Variants in ATXN10 observed in about 807,000 individuals in gnomAD.
The protein encoded by ATXN10 is ataxin 10, also known as ataxin-10.
ATXN10 carries 28 observed loss-of-function variants against 52.9 expected under a neutral mutation model. The ratio of observed to expected loss-of-function variants is 0.53; its 90% CI spans 0.39 to 0.73. The LOEUF (loss-of-function observed/expected upper bound fraction) is 0.73. Ranked by LOEUF, ATXN10 falls within the 30% of genes least tolerant of loss-of-function variation. ATXN10 has a pLI of 0.00. For synonymous variants in ATXN10, 226 were observed against 221.5 expected (o/e 1.02, Z -0.18); for missense variants, 565 against 577.0 (o/e 0.98, Z 0.21).
intron 9 of ATXN10, among the ~76,000 whole-genome samples, chr22:45,794,362 A>G (rs1927633331): frequency 6.6e-6 from 1 of 151,918 alleles, no homozygotes; most frequent in African/African-American, 2.4e-5. Context: ...CTAGATTTTC[A>G]CATTTTTTTC....
At chr22:45,839,897 G>A (rs999963609) in intron 10 of ATXN10, among the ~76,000 whole-genome samples, 10 of 152,216 alleles carry the variant, frequency 6.6e-5, no homozygotes, top group Non-Finnish European at 1.5e-4. Context: ...CCTGTGGGTC[G>A]CTGCAGTGCC....
Position 45,688,064 on chromosome 22 carries a change from AAG to A in ATXN10, c.117-1645_117-1644del, listed in dbSNP as rs1469266027. ...CAGAGCAAAACTCCGTCTCAAAAAA[AAG>A]AGTGTTAGTGAGTATTCTTCCATTC... On this transcript the variant is annotated intron_variant, in intron 1 of 11. Coordinates refer to ENST00000252934, the MANE Select transcript of ATXN10 (RefSeq NM_013236.4). The surrounding 1 kb of genome is among the most constrained non-coding windows in gnomAD (Gnocchi z 4.0). Among the ~76,000 whole-genome samples, 1 of 152,236 alleles carries A rather than the reference AAG, an allele frequency of 6.6e-6. No individual in the cohort carries two copies. Among genetic ancestry groups the A allele is most frequent in the African/African-American group, 2.4e-5 (1 of 41,458 alleles).
chr22:45,694,953 A>C (rs1471356505), intron 3 of ATXN10, among the ~76,000 whole-genome samples: 10 of 150,330 alleles, frequency 6.7e-5, no homozygotes, highest in Non-Finnish European at 1.5e-4. Flanking sequence ...AAAAAAAAAA[A>C]AAAAAAAAAA....
At chr22:45,723,721 G>A (rs186541204) in intron 6 of ATXN10, among the ~76,000 whole-genome samples, 1 of 152,196 alleles carries the variant, frequency 6.6e-6, no homozygotes, top group African/African-American at 2.4e-5. Flanking sequence ...TTTGGGAGGT[G>A]GAGGAAGTCA....
chr22:45,729,457 T>C lies in ATXN10; in HGVS notation c.761T>C (p.Ile254Thr). The change falls in exon 7 of 12, where the codon ATA (isoleucine) becomes ACA (threonine). Residue 254 changes from isoleucine to threonine, a missense_variant. Ile to Thr is a moderately conservative substitution (Grantham distance 89). Transcript: ENST00000252934. The part of the protein sequence containing the change: ...VTLLDLMIAK[I>T]TSDEPLTKDD... ...CTGTTAGACCTTATGATAGCCAAGA[T>C]AACGAGTGATGAGCCACTCACCAAG... 6.2e-7 allele frequency: 1 copy of C among 1,614,166 alleles called. No homozygotes were observed. The highest frequency in any genetic ancestry group is 8.5e-7 in the Non-Finnish European group (1 of 1,180,022).
chr22:45,827,917 A>G (rs1039085165), intron 10 of ATXN10, among the ~76,000 whole-genome samples: 6 of 152,248 alleles, frequency 3.9e-5, no homozygotes, highest in African/African-American at 1.2e-4. Flanking sequence ...TATCATACAG[A>G]GTATCTTTTC....
intron 9 of ATXN10, among the ~76,000 whole-genome samples, chr22:45,764,090 GCA>G (rs1455168347): frequency 6.6e-6 from 1 of 152,134 alleles, no homozygotes; most frequent in Non-Finnish European, 1.5e-5. Flanking sequence ...TCCTCACGGT[GCA>G]CACTCATCTT....
chr22:45,760,766 G>A (rs1926359966), intron 9 of ATXN10, among the ~76,000 whole-genome samples: 1 of 152,082 alleles, frequency 6.6e-6, no homozygotes, highest in African/African-American at 2.4e-5. Context: ...AGGCCACACA[G>A]CTGTTAAGTG....
chr22:45,702,548 A>AATCTAC, intron 4 of ATXN10, 141 bp from the exon 5 acceptor site: 1 of 719,814 alleles, frequency 1.4e-6, no homozygotes, highest in South Asian at 1.9e-5. Flanking sequence ...TACAGTAAAT[A>AATCTAC]ATCTACTTAT....
chr22:45,789,873 T>G lies in ATXN10; in HGVS notation c.1174-17086T>G, dbSNP rs899168480. On this transcript the variant is annotated intron_variant, in intron 9 of 11. Coordinates refer to ENST00000252934, the MANE Select transcript of ATXN10 (RefSeq NM_013236.4). The surrounding 1 kb of genome is among the most constrained non-coding windows in gnomAD (Gnocchi z 4.0). ...TGGATATTTTACCCCCAGAAGACTC[T>G]TAAGTGGGTCAGAACAACACATGAA... Among the ~76,000 whole-genome samples, 1 of 152,160 alleles carries G rather than the reference T, an allele frequency of 6.6e-6. No homozygotes were observed. Among genetic ancestry groups the G allele is most frequent in the African/African-American group, 2.4e-5 (1 of 41,438 alleles).
intron 10 of ATXN10, among the ~76,000 whole-genome samples, chr22:45,827,756 G>A (rs891609446): frequency 6.6e-6 from 1 of 152,058 alleles, no homozygotes; most frequent in Non-Finnish European, 1.5e-5. Context: ...GGAAACAGAG[G>A]ACTTAATAAA....
intron 9 of ATXN10, among the ~76,000 whole-genome samples, chr22:45,797,673 G>T (rs962005456): frequency 3.3e-5 from 5 of 152,100 alleles, no homozygotes; most frequent in African/African-American, 1.2e-4. Flanking sequence ...GTAAGTAGAA[G>T]AAAAGAATTA....
Position 45,769,336 on chromosome 22 carries a change from C to T in ATXN10, c.1173+28798C>T, listed in dbSNP as rs192658945. 4.4e-4 allele frequency among the ~76,000 whole-genome samples: 67 copies of T among 152,134 alleles called. No individual in the cohort carries two copies. Among genetic ancestry groups the T allele is most frequent in the Admixed American group, 3.9e-3 (59 of 15,270 alleles). ...TTTGTTGTTATATTCATAGACACAA[C>T]AGACATTTCTACAGGATCTGCTTGG... On this transcript the variant is annotated intron_variant, in intron 9 of 11. Transcript: ENST00000252934. The surrounding 1 kb of genome is among the most constrained non-coding windows in gnomAD (Gnocchi z 4.2).
intron 9 of ATXN10, among the ~76,000 whole-genome samples, chr22:45,746,957 T>C (rs1293952315): frequency 1.3e-5 from 2 of 152,204 alleles, no homozygotes; most frequent in African/African-American, 2.4e-5. Context: ...AACTGTGACA[T>C]ATGAAACACT....
intron 10 of ATXN10, chr22:45,811,852 A>G (rs1928292271): frequency 2.2e-6 from 1 of 458,238 alleles, no homozygotes; most frequent in African/African-American, 2.0e-5. Context: ...AAACTGGATC[A>G]TTCCTCTCTG....
At position 45,708,616 on chromosome 22, in the gene ATXN10, C is replaced by T. The variant is rs1339175631; in HGVS notation, c.647+5769C>T. On this transcript the variant is annotated intron_variant, in intron 5 of 11. Coordinates refer to ENST00000252934, the MANE Select transcript of ATXN10 (RefSeq NM_013236.4). This position sits in a 1 kb window ranked among gnomAD's most constrained non-coding sequence, Gnocchi z 5.3. ...GCATTTCAAAGGTGAGGCATGAACT[C>T]TTTTCAGTTTTAGCCTCTTTTGGTG... Among the ~76,000 whole-genome samples, 1 of 152,122 alleles carries T rather than the reference C, an allele frequency of 6.6e-6. No individual in the cohort carries two copies. The highest frequency in any genetic ancestry group is 1.5e-5 in the Non-Finnish European group (1 of 68,016).
chr22:45,821,612 C>T (rs1158188740), intron 10 of ATXN10, among the ~76,000 whole-genome samples: 2 of 152,170 alleles, frequency 1.3e-5, no homozygotes, highest in African/African-American at 4.8e-5. Context: ...TCTCTCTCAT[C>T]CATCTTAGTA....
In ATXN10 at chr22:45,789,189, C is replaced by G. The variant is rs115879844; in HGVS notation, c.1174-17770C>G. On this transcript the variant is annotated intron_variant, in intron 9 of 11. Coordinates refer to ENST00000252934, the MANE Select transcript of ATXN10 (RefSeq NM_013236.4). This position sits in a 1 kb window ranked among gnomAD's most constrained non-coding sequence, Gnocchi z 4.0. ...AAAACAGTCTTTGGCCACTCTCAAT[C>G]TCTAGTAGATCATCTTAATTATTTA... Among the ~76,000 whole-genome samples, 2 of 152,180 alleles carry G rather than the reference C, an allele frequency of 1.3e-5. No individual in the cohort carries two copies. The highest frequency in any genetic ancestry group is 4.8e-5 in the African/African-American group (2 of 41,424).
intron 10 of ATXN10, among the ~76,000 whole-genome samples, chr22:45,836,134 C>T (rs545591146): frequency 2.6e-5 from 4 of 152,226 alleles, no homozygotes; most frequent in African/African-American, 9.6e-5. Context: ...TAGTTTCCAG[C>T]GTCATGCAGG....
Sources: gnomAD v4.1 joint callset for allele counts (sites outside exome capture counted in the v4.1 genomes callset) on GRCh38, gnomAD v4.1.1 for gene constraint, Gnocchi (gnomAD v3.1) non-coding constraint, MANE v1.5 for transcripts, NCBI Gene and HGNC (gene_info 2026-07-23, HGNC 2026-07-21) for gene names.